Variants in CCDC33 observed in about 807,000 individuals in gnomAD.
CCDC33 encodes the protein coiled-coil domain containing 33.
A neutral mutation model predicts 91.9 loss-of-function variants in CCDC33; 94 were observed. The observed-to-expected ratio is 1.02, with a 90% CI of 0.87 to 1.21. CCDC33 has a LOEUF of 1.21. Ranked by LOEUF, CCDC33 falls within the 50% of genes most tolerant of loss-of-function variation. CCDC33 has a pLI of 0.00. For missense variants in CCDC33, 940 were observed against 935.5 expected, an observed-to-expected ratio of 1.00 and a Z score of -0.06; for synonymous variants, 396 against 374.5, an observed-to-expected ratio of 1.06 and a Z score of -0.66.
chr15:74,330,405 G>T, intron 12 of CCDC33, 51 bp downstream of exon 12: 1 of 1,496,444 alleles, frequency 6.7e-7, no homozygotes. Context: ...CTGGGCCCAG[G>T]CTCCAGGTTG....
At chr15:74,234,889 A>C (rs1213942475), upstream of CCDC33, among the ~76,000 whole-genome samples, 1 of 152,218 alleles carries the variant, frequency 6.6e-6, no homozygotes, top group African/African-American at 2.4e-5. Context: ...TGCTTCATTA[A>C]AGTTTGCTTC....
At chr15:74,223,029 T>C (rs1486117163) in intron 2 of CCDC33, among the ~76,000 whole-genome samples, 2 of 152,054 alleles carry the variant, frequency 1.3e-5, no homozygotes, top group South Asian at 4.2e-4. Context: ...AGGCACATGA[T>C]GTGGATTTCA....
intron 1 of CCDC33, among the ~76,000 whole-genome samples, chr15:74,242,023 G>T (rs756465859): frequency 8.5e-5 from 13 of 152,184 alleles, no homozygotes; most frequent in Non-Finnish European, 1.5e-4. Context: ...GGGGTGTGTG[G>T]CTCCGATTGG....
chr15:74,285,599 A>T lies in CCDC33; in HGVS notation c.1095+3750A>T, dbSNP rs145490501. Among the ~76,000 whole-genome samples, 932 of 151,952 alleles carry T rather than the reference A, an allele frequency of 6.1e-3. 8 individuals are homozygous for T. The highest frequency in any genetic ancestry group is 0.058 in the Middle Eastern group (17 of 294). On this transcript the variant is annotated intron_variant, in intron 10 of 18. Coordinates refer to ENST00000398814, the MANE Select transcript of CCDC33 (RefSeq NM_025055.5). ...GCAGGGCGACCTCAGCAAGCCTCCTACATAGATCACATAGTCAGCCAACAC... is the reference window on the plus strand; with the variant it reads ...GCAGGGCGACCTCAGCAAGCCTCCTTCATAGATCACATAGTCAGCCAACAC...
chr15:74,335,104 G>T lies in CCDC33; in HGVS notation c.2139+16G>T, dbSNP rs2060537289. On this transcript the variant is annotated intron_variant, in intron 18 of 18. Transcript: ENST00000398814. ...AGAACAGCCTGTGAGTGACCCCCCT[G>T]GAGTAGCTCCCAGGGGTTCAGGTGG... The T allele has an allele frequency of 1.3e-6, 2 of 1,588,698 alleles. No individual in the cohort carries two copies. Among genetic ancestry groups the T allele is most frequent in the Non-Finnish European group, 1.7e-6 (2 of 1,156,872 alleles).
rs895494936 is a variant in CCDC33 at position 74,332,961 on chromosome 15, G to C, written c.1938+116G>C. ...GGAGCTAAGCTTCCCAGGGTCTCCAGTCTGCCTGGGGGCTCCTGGAATCAG... is the reference window on the plus strand; with the variant it reads ...GGAGCTAAGCTTCCCAGGGTCTCCACTCTGCCTGGGGGCTCCTGGAATCAG... On this transcript the variant is annotated intron_variant, in intron 16 of 18. Transcript: ENST00000398814. 9 of 1,265,728 alleles carry C rather than the reference G, an allele frequency of 7.1e-6. No individual in the cohort carries two copies. In the African/African-American group the frequency reaches 1.3e-4, roughly 19 times the overall value. The allele number at this position is 1,265,728 out of a possible 1,614,324, so 78.4% of individuals were successfully genotyped here.
intron 3 of CCDC33, among the ~76,000 whole-genome samples, chr15:74,265,296 C>T (rs1305459941): frequency 1.3e-5 from 2 of 152,170 alleles, no homozygotes; most frequent in African/African-American, 4.8e-5. Context: ...AAGTGTTTCC[C>T]TCAGGCACAC....
chr15:74,273,503 T>C (rs2076376004), intron 7 of CCDC33, among the ~76,000 whole-genome samples: 1 of 152,268 alleles, frequency 6.6e-6, no homozygotes, highest in Non-Finnish European at 1.5e-5. Flanking sequence ...AGCCTCGCTC[T>C]TGTCTCCCAG....
chr15:74,265,673 G>C (rs568936268), intron 3 of CCDC33, among the ~76,000 whole-genome samples: 40 of 152,322 alleles, frequency 2.6e-4, no homozygotes, highest in African/African-American at 9.1e-4. Context: ...AATCATGACA[G>C]TCCCGCTCAC....
At chr15:74,232,423 G>A (rs1431111978), upstream of CCDC33, among the ~76,000 whole-genome samples, 2 of 152,172 alleles carry the variant, frequency 1.3e-5, no homozygotes, top group African/African-American at 2.4e-5. Flanking sequence ...GAGACAAGAG[G>A]GAACAATGAC....
chr15:74,306,508 T>C (rs2059896760), intron 11 of CCDC33, among the ~76,000 whole-genome samples: 1 of 152,206 alleles, frequency 6.6e-6, no homozygotes, highest in Non-Finnish European at 1.5e-5. Flanking sequence ...AGGAATCTGT[T>C]GATCTGTTGA....
At chr15:74,260,654 C>T (rs1037911842) in intron 2 of CCDC33, among the ~76,000 whole-genome samples, 4 of 152,150 alleles carry the variant, frequency 2.6e-5, no homozygotes, top group African/African-American at 9.7e-5. Flanking sequence ...AGGATAAACG[C>T]GGGCTCCAAA....
chr15:74,326,885 C>T (rs2060320320), intron 11 of CCDC33, among the ~76,000 whole-genome samples: 1 of 152,146 alleles, frequency 6.6e-6, no homozygotes, highest in South Asian at 2.1e-4. Flanking sequence ...CAAGGCTGGG[C>T]TGTGACGCAG....
intron 2 of CCDC33, among the ~76,000 whole-genome samples, chr15:74,211,386 C>A (rs1206473511): frequency 6.7e-6 from 1 of 148,598 alleles, no homozygotes; most frequent in African/African-American, 2.5e-5. Context: ...TCAATATCTG[C>A]CCCTGGCTTT....
chr15:74,224,800 T>C (rs2074734320), intron 2 of CCDC33, among the ~76,000 whole-genome samples: 1 of 152,190 alleles, frequency 6.6e-6, no homozygotes, highest in Admixed American at 6.5e-5. Flanking sequence ...GTTCTAGTAA[T>C]GATTTGGGAT....
At chr15:74,313,522 C>T (rs2060033187) in intron 11 of CCDC33, among the ~76,000 whole-genome samples, 1 of 148,678 alleles carries the variant, frequency 6.7e-6, no homozygotes, top group African/African-American at 2.5e-5. Flanking sequence ...CGGGTTCAAG[C>T]GATTCTCCTG....
intron 11 of CCDC33, chr15:74,302,527 G>T: frequency 6.6e-6 from 1 of 152,414 alleles, no homozygotes; most frequent in Non-Finnish European, 1.5e-5. Context: ...GGAGAGGTGA[G>T]GCCCCCCAGA....
At chr15:74,285,872 A>G (rs763437130) in intron 10 of CCDC33, among the ~76,000 whole-genome samples, 1 of 152,230 alleles carries the variant, frequency 6.6e-6, no homozygotes, top group African/African-American at 2.4e-5. Context: ...GTACACTCAT[A>G]TACAAAAACA....
At chr15:74,217,649 G>A (rs1455777693) in intron 1 of CCDC33, 4 of 1,126,128 alleles carry the variant, frequency 3.6e-6, no homozygotes, top group Non-Finnish European at 4.5e-6. Context: ...CCCTTTCTGG[G>A]ACCCCAGAGA....
Sources: allele counts gnomAD v4.1 joint callset (sites outside exome capture counted in the v4.1 genomes callset), GRCh38; gene constraint gnomAD v4.1.1; transcripts MANE v1.5; gene names NCBI Gene and HGNC (gene_info 2026-07-23, HGNC 2026-07-21).